The following SORBS2 variants were observed in gnomAD, a reference collection of about 807,000 sequenced individuals.
SORBS2 encodes sorbin and SH3 domain containing 2.
SORBS2 carries 46 observed loss-of-function variants against 97.7 expected under a neutral mutation model. The ratio of observed to expected loss-of-function variants is 0.47; its 90% confidence interval spans 0.37 to 0.60. SORBS2 has a LOEUF of 0.60. Ranked by LOEUF, SORBS2 falls within the 20% of genes least tolerant of loss-of-function variation. The probability of loss-of-function intolerance (pLI) is 0.00; values close to 1 mark genes in which losing one functional copy is unlikely to be tolerated. For synonymous variants in SORBS2, 476 were observed against 473.4 expected (o/e 1.01, Z -0.07); for missense variants, 1,316 against 1,282.3 (o/e 1.03, Z -0.40).
At chr4:185,826,543 T>C (rs928667452) in intron 1 of SORBS2, among the ~76,000 whole-genome samples, 2 of 152,212 alleles carry the variant, frequency 1.3e-5, no homozygotes, top group Admixed American at 6.5e-5. Flanking sequence ...GATATGCGAA[T>C]GTACTGCAAG....
At chr4:185,860,053 A>G (rs2099222814) in intron 1 of SORBS2, among the ~76,000 whole-genome samples, 1 of 152,234 alleles carries the variant, frequency 6.6e-6, no homozygotes, top group African/African-American at 2.4e-5. Flanking sequence ...GTCCATACAT[A>G]AAAGGTCACT....
intron 2 of SORBS2, chr4:185,775,012 T>C (rs1023430280): frequency 5.9e-5 from 9 of 152,132 alleles, no homozygotes; most frequent in African/African-American, 1.7e-4. Flanking sequence ...GTCAAGCGTG[T>C]ACTGCAGGTC....
intron 1 of SORBS2, among the ~76,000 whole-genome samples, chr4:185,822,316 A>C (rs1390125984): frequency 6.6e-6 from 1 of 152,228 alleles, no homozygotes; most frequent in African/African-American, 2.4e-5. Context: ...CCGTTCCAAC[A>C]GGCCTGGAGC....
intron 2 of SORBS2, among the ~76,000 whole-genome samples, chr4:185,694,038 G>A (rs966364888): frequency 1.3e-5 from 2 of 152,180 alleles, no homozygotes; most frequent in Admixed American, 1.3e-4. Context: ...GTCGTTAAAA[G>A]AAGAATCCCA....
chr4:185,890,566 G>C (rs1384496591), intron 1 of SORBS2, among the ~76,000 whole-genome samples: 1 of 152,106 alleles, frequency 6.6e-6, no homozygotes, highest in Non-Finnish European at 1.5e-5. Flanking sequence ...CCCGCTTCCG[G>C]ACTCCCCCAC....
intron 1 of SORBS2, among the ~76,000 whole-genome samples, chr4:185,845,016 GCT>G (rs1491104764): frequency 7.1e-6 from 1 of 140,986 alleles, no homozygotes; most frequent in Non-Finnish European, 1.6e-5. Flanking sequence ...TGATGAAAAT[GCT>G]TTTTTTTTTT....
chr4:185,706,596 G>A (rs991862191), intron 2 of SORBS2, among the ~76,000 whole-genome samples: 4 of 152,022 alleles, frequency 2.6e-5, no homozygotes, highest in East Asian at 1.9e-4. Context: ...ATAGACCTTC[G>A]TAAGGACCTG....
At chr4:185,791,082 T>A (rs6552921) in intron 1 of SORBS2, among the ~76,000 whole-genome samples, 26,981 of 152,166 alleles carry the variant, frequency 0.18, 2,713 homozygotes, top group East Asian at 0.44. Flanking sequence ...ATAAACAATT[T>A]AAAAAGTTTC....
intron 8 of SORBS2, among the ~76,000 whole-genome samples, chr4:185,618,924 A>T (rs2096667981): frequency 6.6e-6 from 1 of 152,206 alleles, no homozygotes; most frequent in Admixed American, 6.5e-5. Flanking sequence ...CCTAGGCATC[A>T]TTTTGGCTGT....
chr4:185,870,369 C>T (rs936927237), intron 1 of SORBS2, among the ~76,000 whole-genome samples: 2 of 152,314 alleles, frequency 1.3e-5, no homozygotes, highest in Middle Eastern at 3.4e-3. Flanking sequence ...CTGAGCCCTG[C>T]ATCTCTTCTT....
At chr4:185,829,742 TA>T (rs2099204139) in intron 1 of SORBS2, among the ~76,000 whole-genome samples, 1 of 152,234 alleles carries the variant, frequency 6.6e-6, no homozygotes, top group Non-Finnish European at 1.5e-5. Context: ...CACATCAAGC[TA>T]AAACATCCAT....
At chr4:185,657,630 C>A, upstream of SORBS2, 1 of 1,569,632 alleles carries the variant, frequency 6.4e-7, no homozygotes, top group South Asian at 1.2e-5. Flanking sequence ...GGAACGTATT[C>A]GTTGCACAGG....
chr4:185,735,741 G>A (rs961697646), intron 2 of SORBS2, among the ~76,000 whole-genome samples: 1 of 151,940 alleles, frequency 6.6e-6, no homozygotes, highest in Non-Finnish European at 1.5e-5. Flanking sequence ...TGTCCCCTTA[G>A]TCCATGATGA....
chr4:185,913,558 A>G, intron 1 of SORBS2, among the ~76,000 whole-genome samples: 1 of 152,192 alleles, frequency 6.6e-6, no homozygotes, highest in East Asian at 1.9e-4. Flanking sequence ...AAGACTGAAG[A>G]AGTCACTTCC....
intron 1 of SORBS2, among the ~76,000 whole-genome samples, chr4:185,872,347 C>T (rs1022093302): frequency 6.6e-6 from 1 of 152,104 alleles, no homozygotes; most frequent in Non-Finnish European, 1.5e-5. Context: ...AGAGGTGTGA[C>T]CCTGGGCAAA....
At chr4:185,795,219 GT>G (rs1235887304) in intron 1 of SORBS2, among the ~76,000 whole-genome samples, 12 of 152,246 alleles carry the variant, frequency 7.9e-5, no homozygotes, top group Admixed American at 4.6e-4. Context: ...GCAGATTCTT[GT>G]TGGGTAAATT....
intron 9 of SORBS2, among the ~76,000 whole-genome samples, chr4:185,615,761 C>CA (rs1380443223): frequency 1.3e-5 from 2 of 152,090 alleles, no homozygotes; most frequent in Non-Finnish European, 2.9e-5. Context: ...TTCAGTGGGG[C>CA]AAGAAGAATG....
At chr4:185,792,088 A>T (rs1294707596) in intron 1 of SORBS2, among the ~76,000 whole-genome samples, 2 of 152,242 alleles carry the variant, frequency 1.3e-5, no homozygotes, top group African/African-American at 4.8e-5. Flanking sequence ...TCTATTGCTT[A>T]GTCTTGTGGC....
chr4:185,812,495 C>T (rs1160108352), intron 1 of SORBS2, among the ~76,000 whole-genome samples: 1 of 152,176 alleles, frequency 6.6e-6, no homozygotes, highest in Non-Finnish European at 1.5e-5. Flanking sequence ...TGTATGAAAT[C>T]GAGGAAGTGA....
Sources: allele counts gnomAD v4.1 joint callset (sites outside exome capture counted in the v4.1 genomes callset), GRCh38; gene constraint gnomAD v4.1.1; transcripts MANE v1.5; gene names NCBI Gene and HGNC (gene_info 2026-07-23, HGNC 2026-07-21).